The following DDX10 variants were observed in gnomAD, a reference collection of about 807,000 sequenced individuals.
DDX10 encodes probable ATP-dependent RNA helicase DDX10.
Under a neutral mutation model 104.3 loss-of-function variants are expected in DDX10, and 74 were observed. The observed-to-expected ratio is 0.71, with a 90% CI of 0.59 to 0.86. The LOEUF is 0.86. Among genes scored for constraint, DDX10 ranks in the 40% least tolerant of loss-of-function variants. The probability of loss-of-function intolerance (pLI) is 0.00; values close to 1 mark genes in which losing one functional copy is unlikely to be tolerated. For missense variants in DDX10, 952 were observed against 1,040.0 expected, an observed-to-expected ratio of 0.92 and a Z score of 1.16; for synonymous variants, 351 against 353.4, an observed-to-expected ratio of 0.99 and a Z score of 0.08.
intron 16 of DDX10, among the ~76,000 whole-genome samples, chr11:108,899,366 A>G (rs555592821): frequency 6.0e-4 from 91 of 152,164 alleles, no homozygotes; most frequent in South Asian, 1.2e-3. Context: ...CAGAGATCTC[A>G]AGAGTGTATT....
At chr11:108,887,495 C>T (rs1863314255) in intron 16 of DDX10, among the ~76,000 whole-genome samples, 1 of 149,732 alleles carries the variant, frequency 6.7e-6, no homozygotes, top group Non-Finnish European at 1.5e-5. Context: ...TGTGGTACAG[C>T]AAGTTTGTTA....
chr11:108,715,429 G>C (rs963077717), intron 10 of DDX10, among the ~76,000 whole-genome samples: 6 of 152,192 alleles, frequency 3.9e-5, no homozygotes, highest in Admixed American at 6.5e-5. Context: ...AGCTGAGATG[G>C]GGGAGGGTCA....
At chr11:108,726,519 A>G (rs1803100220) in intron 13 of DDX10, among the ~76,000 whole-genome samples, 1 of 152,080 alleles carries the variant, frequency 6.6e-6, no homozygotes, top group African/African-American at 2.4e-5. Flanking sequence ...GTATATAGAA[A>G]TAGTTTGTTT....
intron 13 of DDX10, among the ~76,000 whole-genome samples, chr11:108,813,126 G>A (rs1444454983): frequency 6.6e-6 from 1 of 152,004 alleles, no homozygotes; most frequent in South Asian, 2.1e-4. Context: ...AAAAATTTAA[G>A]AGCACATATT....
chr11:108,925,942 A>C (rs544858754), intron 17 of DDX10, among the ~76,000 whole-genome samples: 1 of 152,148 alleles, frequency 6.6e-6, no homozygotes, highest in Non-Finnish European at 1.5e-5. Context: ...CTAAACTGTA[A>C]AACTCCATTT....
intron 16 of DDX10, among the ~76,000 whole-genome samples, chr11:108,868,786 T>A (rs968873710): frequency 1.2e-4 from 19 of 152,084 alleles, no homozygotes; most frequent in African/African-American, 4.6e-4. Flanking sequence ...TGCTGTAATA[T>A]GACAATAATA....
intron 13 of DDX10, among the ~76,000 whole-genome samples, chr11:108,823,125 T>A (rs1399525776): frequency 2.0e-5 from 3 of 152,202 alleles, no homozygotes; most frequent in Non-Finnish European, 4.4e-5. Context: ...AGTGTTTTTT[T>A]AAAATCACCA....
Position 108,917,561 on chromosome 11 carries a change from C to T in DDX10, c.2305-312C>T, listed in dbSNP as rs1251366022. On this transcript the variant is annotated intron_variant, in intron 16 of 17. Transcript: ENST00000322536. ...GGATGACAGGAGCATGCCACAGCACCTGGCTTTTATTTCTTTGATAATTGA... is the reference window on the plus strand; with the variant it reads ...GGATGACAGGAGCATGCCACAGCACTTGGCTTTTATTTCTTTGATAATTGA... Among the ~76,000 whole-genome samples, 3 of 152,250 alleles carry T rather than the reference C, an allele frequency of 2.0e-5. No homozygotes were observed. The East Asian group carries it at 5.8e-4, about 29-fold the overall frequency.
intron 9 of DDX10, among the ~76,000 whole-genome samples, chr11:108,705,848 A>G (rs1255308711): frequency 6.6e-6 from 1 of 152,232 alleles, no homozygotes; most frequent in Admixed American, 6.5e-5. Flanking sequence ...CTTAGTAACT[A>G]CAGGATGTCT....
chr11:108,717,225 G>A (rs1226967295), intron 11 of DDX10, among the ~76,000 whole-genome samples: 2 of 152,170 alleles, frequency 1.3e-5, no homozygotes, highest in South Asian at 2.1e-4. Flanking sequence ...AAGTCGATAG[G>A]GTAGCCTGAG....
At chr11:108,764,659 T>C (rs1328298226) in intron 13 of DDX10, among the ~76,000 whole-genome samples, 1 of 152,072 alleles carries the variant, frequency 6.6e-6, no homozygotes, top group Non-Finnish European at 1.5e-5. Flanking sequence ...AGAGCGAAAC[T>C]CCATCTCAAG....
intron 2 of DDX10, 38 bp from the exon 3 acceptor site, chr11:108,675,558 G>T (rs1389184349): frequency 1.9e-6 from 3 of 1,604,788 alleles, no homozygotes; most frequent in African/African-American, 2.7e-5. Context: ...ATCCTACAGG[G>T]ATCTTCTAAA....
intron 13 of DDX10, among the ~76,000 whole-genome samples, chr11:108,808,280 A>C (rs187444029): frequency 7.9e-5 from 12 of 151,918 alleles, no homozygotes; most frequent in African/African-American, 2.9e-4. Context: ...TGAGAATGTA[A>C]TATGTAGACT....
chr11:108,772,662 A>C (rs1297908399), intron 13 of DDX10, among the ~76,000 whole-genome samples: 1 of 152,210 alleles, frequency 6.6e-6, no homozygotes, highest in Non-Finnish European at 1.5e-5. Context: ...GCCTGTTAGG[A>C]ACCAGGCCAC....
At chr11:108,729,582 C>CTT (rs541762222) in intron 13 of DDX10, among the ~76,000 whole-genome samples, 52 of 146,946 alleles carry the variant, frequency 3.5e-4, no homozygotes, top group Admixed American at 3.4e-3. Flanking sequence ...TGTTGCAGGC[C>CTT]TTTTTTTTTT....
At chr11:108,919,482 C>G (rs1055220822) in intron 17 of DDX10, 1 of 152,136 alleles carries the variant, frequency 6.6e-6, no homozygotes, top group Non-Finnish European at 1.5e-5. Context: ...GGTTTGCTTC[C>G]CCTTGTGTTC....
intron 9 of DDX10, among the ~76,000 whole-genome samples, chr11:108,703,793 T>G (rs1172988709): frequency 6.6e-6 from 1 of 152,174 alleles, no homozygotes; most frequent in African/African-American, 2.4e-5. Flanking sequence ...AAAAAGTGCT[T>G]TTATTCTAGA....
intron 13 of DDX10, among the ~76,000 whole-genome samples, chr11:108,739,807 A>G (rs2094322935): frequency 6.6e-6 from 1 of 152,122 alleles, no homozygotes; most frequent in African/African-American, 2.4e-5. Context: ...TCTTGTGTGA[A>G]ATCATTCCTA....
At chr11:108,782,095 G>A (rs986557375) in intron 13 of DDX10, among the ~76,000 whole-genome samples, 1 of 152,182 alleles carries the variant, frequency 6.6e-6, no homozygotes, top group Non-Finnish European at 1.5e-5. Flanking sequence ...CAGATGTAAC[G>A]TATCTGTTCT....
Sources: allele counts gnomAD v4.1 joint callset (sites outside exome capture counted in the v4.1 genomes callset), GRCh38; gene constraint gnomAD v4.1.1; transcripts MANE v1.5; gene names NCBI Gene and HGNC (gene_info 2026-07-23, HGNC 2026-07-21).